The following DGKB variants were observed in gnomAD, a reference collection of about 807,000 sequenced individuals.
The protein encoded by DGKB is diacylglycerol kinase beta.
In DGKB, 67 loss-of-function variants were observed where a neutral mutation model predicts 114.3. The observed-to-expected ratio is 0.59, with a 90% CI of 0.48 to 0.72. DGKB has a LOEUF of 0.72. DGKB is among the 30% of genes least tolerant of loss of function. The pLI is 0.00. For synonymous variants in DGKB, 398 were observed against 323.1 expected (o/e 1.23, Z -2.49); for missense variants, 907 against 975.2 (o/e 0.93, Z 0.93).
intron 20 of DGKB, among the ~76,000 whole-genome samples, chr7:14,572,451 C>CAA (rs545890989): frequency 1.5e-5 from 2 of 131,364 alleles, no homozygotes; most frequent in Admixed American, 1.5e-4. Flanking sequence ...GACACCATCT[C>CAA]AAAAAAAAAG....
chr7:14,590,413 A>G (rs144540490), intron 17 of DGKB, among the ~76,000 whole-genome samples: 10 of 152,156 alleles, frequency 6.6e-5, no homozygotes, highest in South Asian at 2.1e-4. Flanking sequence ...CTAACCATCC[A>G]GTTGACTCAC....
chr7:14,225,569 T>C (rs552127490), intron 23 of DGKB, among the ~76,000 whole-genome samples: 51 of 152,212 alleles, frequency 3.4e-4, no homozygotes, highest in Non-Finnish European at 6.8e-4. Flanking sequence ...GAAATGTTTG[T>C]CCTTTTTTTA....
intron 23 of DGKB, among the ~76,000 whole-genome samples, chr7:14,282,852 G>C (rs1011431098): frequency 6.6e-6 from 1 of 152,088 alleles, no homozygotes; most frequent in African/African-American, 2.4e-5. Flanking sequence ...AGGTATTGAT[G>C]GGACATATTT....
chr7:14,595,735 G>GT (rs1279001399), intron 17 of DGKB, among the ~76,000 whole-genome samples: 4 of 151,578 alleles, frequency 2.6e-5, no homozygotes, highest in Non-Finnish European at 5.9e-5. Context: ...TTAATGCTTC[G>GT]TTTTTACATT....
At position 14,725,006 on chromosome 7, in the gene DGKB, T is replaced by TA. The variant is rs908851833; in HGVS notation, c.323-6322dup. ...GCAAAATAGGGAAACTTCATCTCTATAAAAAAAAATTTTTAATTACCCATT... is the reference window on the plus strand; with the variant it reads ...GCAAAATAGGGAAACTTCATCTCTATAAAAAAAAAATTTTTAATTACCCATT... On this transcript the variant is annotated intron_variant, in intron 5 of 25. Coordinates refer to ENST00000402815, the MANE Select transcript of DGKB (RefSeq NM_001350709.2). Among the ~76,000 whole-genome samples, 7 of 151,784 alleles carry TA rather than the reference T, an allele frequency of 4.6e-5. No homozygotes were observed. In the East Asian group the frequency reaches 9.7e-4, roughly 21 times the overall value.
At chr7:14,679,942 G>A (rs568621420) in intron 12 of DGKB, among the ~76,000 whole-genome samples, 1 of 152,104 alleles carries the variant, frequency 6.6e-6, no homozygotes, top group South Asian at 2.1e-4. Flanking sequence ...TCCGGAACTG[G>A]ATGGAGGCTG....
intron 13 of DGKB, among the ~76,000 whole-genome samples, chr7:14,631,268 A>AAAAG (rs1487700492): frequency 1.3e-5 from 2 of 149,378 alleles, no homozygotes; most frequent in Admixed American, 1.3e-4. Context: ...AGAACCAAAA[A>AAAAG]AAAAAAAAAA....
At chr7:14,488,074 A>G (rs934923429) in intron 20 of DGKB, among the ~76,000 whole-genome samples, 5 of 152,198 alleles carry the variant, frequency 3.3e-5, no homozygotes, top group Non-Finnish European at 7.3e-5. Context: ...ACCCATGACT[A>G]CAGCTAGGGA....
chr7:14,313,401 G>T (rs1443537401), intron 23 of DGKB, among the ~76,000 whole-genome samples: 11 of 152,160 alleles, frequency 7.2e-5, no homozygotes, highest in Non-Finnish European at 1.5e-5. Context: ...AGTGGGCGCA[G>T]GTCAGTGGGT....
intron 23 of DGKB, among the ~76,000 whole-genome samples, chr7:14,332,198 G>C (rs1327655014): frequency 6.6e-6 from 1 of 152,008 alleles, no homozygotes; most frequent in Non-Finnish European, 1.5e-5. Flanking sequence ...TTCTAATCTG[G>C]GCTTTTCTCA....
intron 1 of DGKB, among the ~76,000 whole-genome samples, chr7:14,895,329 C>T (rs1015896500): frequency 5.9e-5 from 9 of 151,456 alleles, no homozygotes; most frequent in African/African-American, 1.9e-4. Flanking sequence ...CTCTTCTACT[C>T]ACTGCCACCT....
chr7:14,657,846 T>G (rs947746026), intron 13 of DGKB, among the ~76,000 whole-genome samples: 2 of 151,950 alleles, frequency 1.3e-5, no homozygotes, highest in Admixed American at 1.3e-4. Flanking sequence ...GCATTGGGAT[T>G]GTCATTATTA....
At chr7:14,880,053 A>G (rs1285822198) in intron 1 of DGKB, among the ~76,000 whole-genome samples, 4 of 152,194 alleles carry the variant, frequency 2.6e-5, no homozygotes, top group Non-Finnish European at 5.9e-5. Flanking sequence ...AAATAATTTC[A>G]GTTGAAGGAT....
At chr7:14,279,868 T>C (rs1799655999) in intron 23 of DGKB, among the ~76,000 whole-genome samples, 1 of 148,330 alleles carries the variant, frequency 6.7e-6, no homozygotes, top group African/African-American at 2.5e-5. Flanking sequence ...TACATCACCA[T>C]CATCAAACAC....
intron 23 of DGKB, among the ~76,000 whole-genome samples, chr7:14,301,279 A>C (rs1469491429): frequency 1.3e-5 from 2 of 152,136 alleles, no homozygotes; most frequent in East Asian, 3.8e-4. Context: ...ACATAGTAAC[A>C]GTGGGATAGA....
intron 21 of DGKB, among the ~76,000 whole-genome samples, chr7:14,449,110 T>C (rs911490100): frequency 1.3e-5 from 2 of 152,066 alleles, no homozygotes; most frequent in South Asian, 2.1e-4. Flanking sequence ...CAAATATACA[T>C]AGAAAATATT....
chr7:14,150,773 A>C (rs1430499255), intron 25 of DGKB, among the ~76,000 whole-genome samples: 2 of 152,106 alleles, frequency 1.3e-5, no homozygotes, highest in Non-Finnish European at 2.9e-5. Flanking sequence ...TCAGCATTAG[A>C]GTATACTGTA....
At position 14,389,838 on chromosome 7, in the gene DGKB, T is replaced by C. The variant is rs917603049; in HGVS notation, c.1836-44447A>G. On this transcript the variant is annotated intron_variant, in intron 21 of 25. Coordinates refer to ENST00000402815, the MANE Select transcript of DGKB (RefSeq NM_001350709.2). Reference sequence around the variant, plus strand: ...CTGGCTTACTGAACTCCTTTGGGACTAGCCTATAATCCTCTGAGAGGAATA... The same window carrying C: ...CTGGCTTACTGAACTCCTTTGGGACCAGCCTATAATCCTCTGAGAGGAATA... Among the ~76,000 whole-genome samples the C allele has an allele frequency of 7.9e-5, 12 of 152,338 alleles. 2 individuals carry two copies. Among genetic ancestry groups the C allele is most frequent in the Admixed American group, 2.0e-4 (3 of 15,288 alleles).
chr7:14,939,621 C>CTTTTTTTTT (rs60427374), intron 1 of DGKB, among the ~76,000 whole-genome samples: 2 of 84,146 alleles, frequency 2.4e-5, no homozygotes, highest in Non-Finnish European at 4.4e-5. Context: ...AAATATAATA[C>CTTTTTTTTT]TTTTTTTTTT....
Sources: allele counts gnomAD v4.1 joint callset (sites outside exome capture counted in the v4.1 genomes callset), GRCh38; gene constraint gnomAD v4.1.1; transcripts MANE v1.5; gene names NCBI Gene and HGNC (gene_info 2026-07-23, HGNC 2026-07-21).